The following RBFOX3 variants were observed in gnomAD, a reference collection of about 807,000 sequenced individuals.
RBFOX3 encodes RNA binding fox-1 homolog 3, also known as RNA binding protein fox-1 homolog 3.
A neutral mutation model predicts 48.7 loss-of-function variants in RBFOX3; 17 were observed. The observed-to-expected ratio is 0.35, with a 90% CI of 0.24 to 0.52. The LOEUF is 0.52. Ranked by LOEUF, RBFOX3 falls within the 20% of genes least tolerant of loss-of-function variation. The pLI, the probability that RBFOX3 is intolerant of heterozygous loss-of-function variation, is 0.94. For synonymous variants in RBFOX3, 212 were observed against 209.5 expected, an observed-to-expected ratio of 1.01 and a Z score of -0.10; for missense variants, 382 against 497.5, an observed-to-expected ratio of 0.77 and a Z score of 2.21.
intron 3 of RBFOX3, among the ~76,000 whole-genome samples, chr17:79,307,349 C>T (rs941758543): frequency 6.6e-6 from 1 of 152,214 alleles, no homozygotes; most frequent in Non-Finnish European, 1.5e-5. Context: ...AATGACATTT[C>T]ATTTATATTA....
chr17:79,105,219 A>T (rs1039746808), intron 6 of RBFOX3, among the ~76,000 whole-genome samples: 1 of 152,186 alleles, frequency 6.6e-6, no homozygotes, highest in Non-Finnish European at 1.5e-5. Context: ...CAGGTGCTGA[A>T]AAGAGGGGGA....
intron 3 of RBFOX3, among the ~76,000 whole-genome samples, chr17:79,271,613 T>C (rs575059970): frequency 1.3e-5 from 2 of 152,260 alleles, no homozygotes; most frequent in South Asian, 4.1e-4. Context: ...ACCAAGTCTT[T>C]CTTCTGACTT....
chr17:79,195,070 C>T lies in RBFOX3; in HGVS notation c.-34+40696G>A, dbSNP rs1206409843. 1.3e-5 allele frequency among the ~76,000 whole-genome samples: 2 copies of T among 151,974 alleles called. No individual in the cohort carries two copies. Among genetic ancestry groups the T allele is most frequent in the Non-Finnish European group, 2.9e-5 (2 of 67,998 alleles). On this transcript the variant is annotated intron_variant, in intron 4 of 14. Transcript: ENST00000693108. This position sits in a 1 kb window ranked among gnomAD's most constrained non-coding sequence, Gnocchi z 5.3. ...ATCAGCTCACTATCATCCCCATTGC[C>T]TGCGCGGTGCCTGGCCACGGGTAGC...
chr17:79,476,115 C>A (rs967073134), intron 2 of RBFOX3, among the ~76,000 whole-genome samples: 11 of 152,236 alleles, frequency 7.2e-5, no homozygotes, highest in Non-Finnish European at 1.3e-4. Flanking sequence ...GCTGGCTCCT[C>A]TCCTTGGATT....
At chr17:79,097,175 C>G (rs952219346) in intron 11 of RBFOX3, 117 bp downstream of exon 11, 9 of 739,172 alleles carry the variant, frequency 1.2e-5, no homozygotes, top group Admixed American at 8.6e-5. Context: ...CACGATCCTC[C>G]CCCCCCCCAG....
intron 2 of RBFOX3, among the ~76,000 whole-genome samples, chr17:79,424,317 G>A (rs1598630988): frequency 6.6e-6 from 1 of 152,126 alleles, no homozygotes; most frequent in South Asian, 2.1e-4. Flanking sequence ...TCTCTCCCTC[G>A]GCACTGACCA....
Position 79,482,939 on chromosome 17 carries a change from C to T in RBFOX3, c.-319-341G>A, listed in dbSNP as rs1412356982. Among the ~76,000 whole-genome samples the T allele has an allele frequency of 6.6e-6, 1 of 151,986 alleles. No individual in the cohort carries two copies. The highest frequency in any genetic ancestry group is 1.5e-5 in the Non-Finnish European group (1 of 67,982). ...TTCCACCCCACCACGCTGGCCCCTC[C>T]CCATCGCCTTTCCCACTACCGCCCG... On this transcript the variant is annotated intron_variant, in intron 1 of 14. Coordinates refer to ENST00000693108, the MANE Select transcript of RBFOX3 (RefSeq NM_001350451.2). The surrounding 1 kb of genome is among the most constrained non-coding windows in gnomAD (Gnocchi z 4.1).
intron 1 of RBFOX3, among the ~76,000 whole-genome samples, chr17:79,572,711 G>A (rs1031867884): frequency 5.3e-5 from 8 of 152,182 alleles, no homozygotes; most frequent in South Asian, 2.1e-4. Flanking sequence ...GGCCTACAGC[G>A]GTTTGCAAAC....
chr17:79,526,480 C>A (rs1227409892), intron 1 of RBFOX3, among the ~76,000 whole-genome samples: 1 of 152,230 alleles, frequency 6.6e-6, no homozygotes, highest in East Asian at 1.9e-4. Flanking sequence ...TGACAAACAG[C>A]GAGGTCAGGA....
intron 4 of RBFOX3, among the ~76,000 whole-genome samples, chr17:79,157,956 C>T (rs939060120): frequency 2.3e-4 from 35 of 152,190 alleles, no homozygotes; most frequent in African/African-American, 7.7e-4. Flanking sequence ...CTGTATCACC[C>T]GCTCCAACTC....
chr17:79,091,005 G>A (rs1301021810), intron 14 of RBFOX3, 120 bp from the exon 15 acceptor site: 69 of 969,414 alleles, frequency 7.1e-5, no homozygotes, highest in Middle Eastern at 2.3e-4. Context: ...CGCCACACCT[G>A]CCCCCCAGGT....
At chr17:79,150,071 G>GGGTGGGGGTGGGC (rs2044072488) in intron 4 of RBFOX3, among the ~76,000 whole-genome samples, 1 of 137,550 alleles carries the variant, frequency 7.3e-6, no homozygotes. Context: ...TGAGGGTGGG[G>GGGTGGGGGTGGGC]GTTTGGGGTG....
At chr17:79,275,579 C>T (rs1280856872) in intron 3 of RBFOX3, among the ~76,000 whole-genome samples, 1 of 152,196 alleles carries the variant, frequency 6.6e-6, no homozygotes, top group Non-Finnish European at 1.5e-5. Context: ...GGTGAGGGCC[C>T]CTCCCCAATG....
upstream of RBFOX3, among the ~76,000 whole-genome samples, chr17:79,611,785 G>C (rs1413246947): frequency 2.0e-5 from 3 of 152,222 alleles, no homozygotes; most frequent in Non-Finnish European, 2.9e-5. Flanking sequence ...GAAAGGAAGG[G>C]ATCGGGCCCA....
intron 3 of RBFOX3, among the ~76,000 whole-genome samples, chr17:79,244,020 C>T (rs2062772449): frequency 6.6e-6 from 1 of 152,186 alleles, no homozygotes. Context: ...AATCCATAGA[C>T]ACCCTCGGCC....
At chr17:79,310,010 G>A (rs1173461070) in intron 2 of RBFOX3, among the ~76,000 whole-genome samples, 5 of 152,158 alleles carry the variant, frequency 3.3e-5, no homozygotes, top group Non-Finnish European at 5.9e-5. Flanking sequence ...GCCCTAAAAC[G>A]GAAGTTTCCC....
chr17:79,595,183 G>A (rs1011868702), intron 1 of RBFOX3, among the ~76,000 whole-genome samples: 7 of 151,424 alleles, frequency 4.6e-5, no homozygotes, highest in Admixed American at 6.6e-5. Context: ...CAGGTGTGCC[G>A]AGGCTGACCA....
At chr17:79,466,888 C>A (rs1598822325) in intron 2 of RBFOX3, among the ~76,000 whole-genome samples, 2 of 152,110 alleles carry the variant, frequency 1.3e-5, no homozygotes, top group African/African-American at 4.8e-5. Context: ...TGAAGAGGGC[C>A]TCCTGGACCC....
At chr17:79,504,917 C>T (rs1049087785) in intron 1 of RBFOX3, among the ~76,000 whole-genome samples, 14 of 152,148 alleles carry the variant, frequency 9.2e-5, no homozygotes, top group Non-Finnish European at 1.5e-4. Context: ...GAGATGAGAT[C>T]GGTTCACTCC....
Sources: allele counts gnomAD v4.1 joint callset (sites outside exome capture counted in the v4.1 genomes callset), GRCh38; gene constraint gnomAD v4.1.1; non-coding constraint Gnocchi (gnomAD v3.1); transcripts MANE v1.5; gene names NCBI Gene and HGNC (gene_info 2026-07-23, HGNC 2026-07-21).